ALPL: variants seen among roughly 807,000 people sequenced by gnomAD.
ALPL encodes the protein alkaline phosphatase, tissue-nonspecific isozyme.
A neutral mutation model predicts 51.3 loss-of-function variants in ALPL; 42 were observed. The observed-to-expected ratio is 0.82, with a 90% confidence interval of 0.64 to 1.06. The LOEUF is 1.06. Among genes scored for constraint, ALPL ranks in the 50% least tolerant of loss-of-function variants. The pLI, the probability that ALPL is intolerant of heterozygous loss-of-function variation, is 0.00. For missense variants in ALPL, 589 were observed against 709.4 expected, an observed-to-expected ratio of 0.83 and a Z score of 1.93; for synonymous variants, 279 against 296.4, an observed-to-expected ratio of 0.94 and a Z score of 0.60.
intron 4 of ALPL, 122 bp downstream of exon 4, chr1:21,561,334 C>A: frequency 1.2e-6 from 1 of 814,956 alleles, no homozygotes; most frequent in South Asian, 1.4e-5. Context: ...CAAGCCCACT[C>A]CCCACCTGGA....
chr1:21,510,167 C>T lies in ALPL; in HGVS notation c.-105+650C>T, dbSNP rs372669175. On this transcript the variant is annotated intron_variant, in intron 1 of 11. Transcript: ENST00000374840. Reference sequence around the variant, plus strand: ...CCGCGAAGCCGAAGGAGCCTGCCGCCCCCTTTAGGCTTTGCGAGGTGGGCC... The same window carrying T: ...CCGCGAAGCCGAAGGAGCCTGCCGCTCCCTTTAGGCTTTGCGAGGTGGGCC... 3.2e-3 allele frequency among the ~76,000 whole-genome samples: 489 copies of T among 152,320 alleles called. 8 individuals carry two copies. Among genetic ancestry groups the T allele is most frequent in the African/African-American group, 0.012 (482 of 41,574 alleles).
intron 8 of ALPL, among the ~76,000 whole-genome samples, chr1:21,570,816 TG>T (rs1644637176): frequency 6.6e-6 from 1 of 152,098 alleles, no homozygotes; most frequent in African/African-American, 2.4e-5. Flanking sequence ...CCCCAGGCAG[TG>T]GGGAGCATGT....
chr1:21,572,773 G>A (rs910236779), intron 8 of ALPL, among the ~76,000 whole-genome samples: 1 of 152,224 alleles, frequency 6.6e-6, no homozygotes, highest in Admixed American at 6.5e-5. Context: ...TGTGCCATGG[G>A]CAAGGAATGG....
intron 1 of ALPL, among the ~76,000 whole-genome samples, chr1:21,544,847 T>C (rs1280315567): frequency 2.6e-5 from 4 of 152,186 alleles, no homozygotes; most frequent in African/African-American, 9.7e-5. Context: ...GTGCTAAATG[T>C]GATATCATCA....
chr1:21,541,351 G>A (rs962534151), intron 1 of ALPL, among the ~76,000 whole-genome samples: 11 of 152,230 alleles, frequency 7.2e-5, no homozygotes, highest in Non-Finnish European at 1.3e-4. Flanking sequence ...GTGTGGAGGG[G>A]TGAGGTCACC....
chr1:21,564,064 A>G lies in ALPL; in HGVS notation c.496A>G (p.Thr166Ala). The change falls in exon 6 of 12, where the codon ACC becomes GCC. Residue 166 changes from threonine to alanine, a missense_variant. Thr to Ala is a moderately conservative substitution (Grantham distance 58, BLOSUM62 0). Transcript: ENST00000374840. This position sits in a 1 kb window ranked among gnomAD's most constrained non-coding sequence, Gnocchi z 5.8. Reference protein sequence around the residue: ...DAGKSVGIVTTTRVNHATPSA... With the variant: ...DAGKSVGIVTATRVNHATPSA... ...AGGGAAATCTGTGGGCATTGTGACC[A>G]CCACGAGAGTGAACCATGCCACCCC... 1 of 1,613,918 alleles carries G rather than the reference A, an allele frequency of 6.2e-7. No homozygotes were observed. The highest frequency in any genetic ancestry group is 8.5e-7 in the Non-Finnish European group (1 of 1,179,978).
At position 21,563,291 on chromosome 1, in the gene ALPL, C is replaced by T. The variant is rs564375559; in HGVS notation, c.472+7C>T. 7 of 1,607,394 alleles carry T rather than the reference C, an allele frequency of 4.4e-6. No individual in the cohort carries two copies. Among genetic ancestry groups the T allele is most frequent in the African/African-American group, 4.0e-5 (3 of 74,934 alleles). ...CGCTGGGCCAAGGACGCTGGTGAGT[C>T]GGGGGAGCAGTGGGGAGCAGGGCCA... On this transcript the variant is annotated splice_region_variant and intron_variant, in intron 5 of 11. Transcript: ENST00000374840.
chr1:21,571,386 GT>G (rs1462430696), intron 8 of ALPL, among the ~76,000 whole-genome samples: 2 of 152,172 alleles, frequency 1.3e-5, no homozygotes. Flanking sequence ...CTTAGGCCAG[GT>G]GCAGGCCGGG....
At chr1:21,542,736 G>C (rs1644202964) in intron 1 of ALPL, among the ~76,000 whole-genome samples, 1 of 152,178 alleles carries the variant, frequency 6.6e-6, no homozygotes, top group Non-Finnish European at 1.5e-5. Flanking sequence ...TACTAGGGAG[G>C]CTAAGGCATG....
intron 1 of ALPL, among the ~76,000 whole-genome samples, chr1:21,535,888 A>G (rs938180116): frequency 2.0e-5 from 3 of 152,168 alleles, no homozygotes; most frequent in African/African-American, 7.2e-5. Flanking sequence ...TAGCAGAGGG[A>G]CCTAGGGCAA....
chr1:21,574,054 T>G, intron 9 of ALPL: 1 of 985,440 alleles, frequency 1.0e-6, no homozygotes, highest in Non-Finnish European at 1.2e-6. Flanking sequence ...GGCAGATTTC[T>G]CCCCTTTGGT....
chr1:21,537,980 T>TG (rs1223443455), intron 1 of ALPL, among the ~76,000 whole-genome samples: 1 of 152,192 alleles, frequency 6.6e-6, no homozygotes, highest in Non-Finnish European at 1.5e-5. Context: ...TTCTGTACAC[T>TG]GGGAGCAATG....
chr1:21,543,356 A>C (rs973579848), intron 1 of ALPL, among the ~76,000 whole-genome samples: 2 of 151,922 alleles, frequency 1.3e-5, no homozygotes, highest in Non-Finnish European at 1.5e-5. Context: ...CAAAAACCTC[A>C]CGATATAGAC....
intron 4 of ALPL, 123 bp downstream of exon 4, chr1:21,561,335 C>T (rs539918486): frequency 1.2e-6 from 1 of 811,456 alleles, no homozygotes; most frequent in South Asian, 1.4e-5. Flanking sequence ...AAGCCCACTC[C>T]CCACCTGGAG....
At chr1:21,529,973 T>C (rs1644006541) in intron 1 of ALPL, among the ~76,000 whole-genome samples, 1 of 151,986 alleles carries the variant, frequency 6.6e-6, no homozygotes, top group Non-Finnish European at 1.5e-5. Context: ...TGGAGTTTCA[T>C]TGTGTTGCCC....
intron 1 of ALPL, among the ~76,000 whole-genome samples, chr1:21,511,480 C>T (rs1031895857): frequency 3.3e-5 from 5 of 152,200 alleles, no homozygotes; most frequent in Admixed American, 3.3e-4. Context: ...TGGCTATCCT[C>T]AGCTCTCTTC....
At chr1:21,546,098 C>A (rs1407415103) in intron 1 of ALPL, among the ~76,000 whole-genome samples, 3 of 152,052 alleles carry the variant, frequency 2.0e-5, no homozygotes, top group African/African-American at 7.2e-5. Context: ...GCAGGCAATT[C>A]TTTTAAATTT....
At chr1:21,533,258 A>G (rs901413561) in intron 1 of ALPL, among the ~76,000 whole-genome samples, 2 of 152,156 alleles carry the variant, frequency 1.3e-5, no homozygotes, top group Non-Finnish European at 1.5e-5. Context: ...TTTCCTCTTC[A>G]TAAAATGTGA....
At chr1:21,540,194 C>T (rs896321814) in intron 1 of ALPL, among the ~76,000 whole-genome samples, 4 of 152,154 alleles carry the variant, frequency 2.6e-5, no homozygotes, top group African/African-American at 4.8e-5. Context: ...TGGCAGAAGG[C>T]TGTGTGCCTG....
Sources: allele counts gnomAD v4.1 joint callset (sites outside exome capture counted in the v4.1 genomes callset), GRCh38; gene constraint gnomAD v4.1.1; non-coding constraint Gnocchi (gnomAD v3.1); transcripts MANE v1.5; gene names NCBI Gene and HGNC (gene_info 2026-07-23, HGNC 2026-07-21).